The following UBR2 variants were observed in gnomAD, a reference collection of about 807,000 sequenced individuals.
The protein encoded by UBR2 is E3 ubiquitin-protein ligase UBR2.
UBR2 carries 92 observed loss-of-function variants against 247.9 expected under a neutral mutation model. That is an observed-to-expected ratio of 0.37 (90% confidence interval 0.31 to 0.44). The LOEUF is 0.44. UBR2 is among the 20% of genes least tolerant of loss of function. The probability of loss-of-function intolerance (pLI) is 1.00; values close to 1 mark genes in which losing one functional copy is unlikely to be tolerated. For missense variants in UBR2, 1,613 were observed against 2,112.6 expected (o/e 0.76, Z 4.64); for synonymous variants, 672 against 693.5 (o/e 0.97, Z 0.49).
chr6:42,565,328 A>C (rs896060489), intron 1 of UBR2, among the ~76,000 whole-genome samples: 2 of 152,188 alleles, frequency 1.3e-5, no homozygotes, highest in Non-Finnish European at 2.9e-5. Context: ...CTCCAATTAA[A>C]AAGGCTGCTA....
intron 10 of UBR2, among the ~76,000 whole-genome samples, chr6:42,616,502 AT>A (rs981547252): frequency 6.0e-5 from 9 of 150,952 alleles, no homozygotes; most frequent in South Asian, 2.1e-4. Context: ...AAAAAAATAG[AT>A]TTTTTTTTGG....
rs1797639062 is a variant in UBR2 at position 42,659,352 on chromosome 6, T to G, written c.3243-304T>G. ...CTACTAAAAATACAAAAAAAAAAAA[T>G]TAGCCGGGTGTGGTGGTGCATGCCT... On this transcript the variant is annotated intron_variant, in intron 29 of 46. Transcript: ENST00000372901. The surrounding 1 kb of genome is among the most constrained non-coding windows in gnomAD (Gnocchi z 4.3). Among the ~76,000 whole-genome samples the G allele has an allele frequency of 6.7e-6, 1 of 150,230 alleles. No homozygotes were observed. The highest frequency in any genetic ancestry group is 6.6e-5 in the Admixed American group (1 of 15,106).
rs192199305 is a variant in UBR2, at chr6:42,601,415, G to A, written c.532-2173G>A. On this transcript the variant is annotated intron_variant, in intron 4 of 46. Transcript: ENST00000372901. The stretch of plus-strand genomic sequence containing the variant: ...CAATAAATAAAAAACTTCGCTGGGC[G>A]CGGCTGCTCACACCTGTAATCCCAG... Among the ~76,000 whole-genome samples the A allele has an allele frequency of 7.8e-3, 1,190 of 152,214 alleles. 12 individuals carry two copies. The highest frequency in any genetic ancestry group is 0.028 in the African/African-American group (1,150 of 41,528).
At chr6:42,580,658 G>C (rs1009623697) in intron 2 of UBR2, among the ~76,000 whole-genome samples, 1 of 152,004 alleles carries the variant, frequency 6.6e-6, no homozygotes, top group Non-Finnish European at 1.5e-5. Context: ...TCCTGCTTCA[G>C]CCTCCTGAGT....
intron 33 of UBR2, among the ~76,000 whole-genome samples, chr6:42,665,755 T>G (rs887432586): frequency 6.6e-6 from 1 of 151,932 alleles, no homozygotes; most frequent in Non-Finnish European, 1.5e-5. Context: ...TTGAAGAGCT[T>G]CTGGAGGTGG....
At chr6:42,565,080 A>G (rs1023054557) in intron 1 of UBR2, among the ~76,000 whole-genome samples, 2 of 152,250 alleles carry the variant, frequency 1.3e-5, no homozygotes, top group South Asian at 2.1e-4. Context: ...AACAAATGTT[A>G]TATAACGTTG....
In UBR2 at chr6:42,611,766, C is replaced by T. The variant is rs549121906; in HGVS notation, c.865-405C>T. On this transcript the variant is annotated intron_variant, in intron 7 of 46. Coordinates refer to ENST00000372901, the MANE Select transcript of UBR2 (RefSeq NM_001363705.2). ...ACTAAAAATACAACAGTTAGCCAGG[C>T]GTCGTGGCGCATGTCTGTAGTCCCA... Among the ~76,000 whole-genome samples, 11 of 151,816 alleles carry T rather than the reference C, an allele frequency of 7.2e-5. No homozygotes were observed. In the East Asian group the frequency reaches 7.8e-4, roughly 11 times the overall value.
At chr6:42,599,873 A>C (rs1211186221) in intron 4 of UBR2, among the ~76,000 whole-genome samples, 1 of 152,294 alleles carries the variant, frequency 6.6e-6, no homozygotes, top group Non-Finnish European at 1.5e-5. Context: ...TGGGATTACA[A>C]GTGTGAGCCA....
intron 40 of UBR2, 135 bp downstream of exon 40, chr6:42,677,008 C>A (rs1386571290): frequency 2.9e-6 from 2 of 691,198 alleles, no homozygotes; most frequent in African/African-American, 1.8e-5. Context: ...GTGGAGTGAT[C>A]TGCAGAGCCT....
intron 4 of UBR2, among the ~76,000 whole-genome samples, chr6:42,594,617 A>G (rs1026402592): frequency 2.0e-5 from 3 of 152,186 alleles, no homozygotes; most frequent in Admixed American, 6.5e-5. Context: ...CCAGTTAACC[A>G]AGTTGAGTTT....
At chr6:42,571,292 TTCTTGTATTAAAA>T (rs1404723987) in intron 1 of UBR2, among the ~76,000 whole-genome samples, 11 of 149,420 alleles carry the variant, frequency 7.4e-5, no homozygotes, top group Admixed American at 1.3e-4. Flanking sequence ...TAACCTTTCA[TTCTTGTATTAAAA>T]TTTTGCAACA....
At chr6:42,651,783 G>GC (rs1420307131) in intron 23 of UBR2, among the ~76,000 whole-genome samples, 4 of 151,334 alleles carry the variant, frequency 2.6e-5, no homozygotes, top group African/African-American at 9.7e-5. Flanking sequence ...GAGCTGCCAC[G>GC]CCCCGGCCTC....
chr6:42,585,227 C>T (rs1400055616), intron 2 of UBR2, among the ~76,000 whole-genome samples: 5 of 151,910 alleles, frequency 3.3e-5, no homozygotes, highest in African/African-American at 1.2e-4. Context: ...CTTTTTTATT[C>T]CATTAGTTTG....
chr6:42,620,966 G>A (rs1794960011), intron 11 of UBR2, among the ~76,000 whole-genome samples: 1 of 151,902 alleles, frequency 6.6e-6, no homozygotes, highest in Admixed American at 6.6e-5. Flanking sequence ...GACCATACCT[G>A]GCTATTTTGT....
intron 8 of UBR2, 85 bp from the exon 9 acceptor site, chr6:42,614,986 A>C (rs1330086716): frequency 1.8e-6 from 2 of 1,120,170 alleles, no homozygotes; most frequent in Non-Finnish European, 1.3e-6. Context: ...TTAAAACTCT[A>C]CAGATCCATT....
intron 44 of UBR2, among the ~76,000 whole-genome samples, chr6:42,686,120 C>G (rs963770910): frequency 2.0e-5 from 3 of 149,252 alleles, no homozygotes; most frequent in African/African-American, 7.4e-5. Context: ...TTGGGTGTTT[C>G]TCGGAGGGGG....
At chr6:42,628,039 C>A (rs918784840) in intron 11 of UBR2, among the ~76,000 whole-genome samples, 8 of 152,104 alleles carry the variant, frequency 5.3e-5, no homozygotes, top group Admixed American at 3.3e-4. Flanking sequence ...TCCCCTCTTA[C>A]CCCACTCCCA....
chr6:42,585,861 T>C (rs1792223704), intron 2 of UBR2, among the ~76,000 whole-genome samples: 2 of 152,170 alleles, frequency 1.3e-5, no homozygotes, highest in South Asian at 4.1e-4. Context: ...TATTTTTGTC[T>C]TTTATCTATT....
chr6:42,674,062 A>G, intron 37 of UBR2, 64 bp from the exon 38 acceptor site: 1 of 1,524,268 alleles, frequency 6.6e-7, no homozygotes, highest in Non-Finnish European at 9.0e-7. Context: ...TTTAAAGCAG[A>G]TTATATGCAT....
Sources: allele counts gnomAD v4.1 joint callset (sites outside exome capture counted in the v4.1 genomes callset), GRCh38; gene constraint gnomAD v4.1.1; non-coding constraint Gnocchi (gnomAD v3.1); transcripts MANE v1.5; gene names NCBI Gene and HGNC (gene_info 2026-07-23, HGNC 2026-07-21).